Variants in ZBTB20 observed in about 807,000 individuals in gnomAD.
The protein encoded by ZBTB20 is zinc finger and BTB domain containing 20.
In ZBTB20, 9 loss-of-function variants were observed where a neutral mutation model predicts 56.9. The ratio of observed to expected loss-of-function variants is 0.16; its 90% CI spans 0.10 to 0.28. ZBTB20 has a LOEUF of 0.28. ZBTB20 is among the 10% of genes least tolerant of loss of function. The probability of loss-of-function intolerance (pLI) is 1.00; values close to 1 mark genes in which losing one functional copy is unlikely to be tolerated. For synonymous variants in ZBTB20, 417 were observed against 420.7 expected, an observed-to-expected ratio of 0.99 and a Z score of 0.11; for missense variants, 655 against 1,003.0, an observed-to-expected ratio of 0.65 and a Z score of 4.69.
chr3:114,523,741 G>T (rs1290010229), intron 6 of ZBTB20, among the ~76,000 whole-genome samples: 1 of 152,162 alleles, frequency 6.6e-6, no homozygotes, highest in Non-Finnish European at 1.5e-5. Flanking sequence ...TCTTTTGATG[G>T]TTTCTATTTT....
At chr3:114,576,886 ATATT>A (rs1214426978) in intron 6 of ZBTB20, among the ~76,000 whole-genome samples, 27 of 152,148 alleles carry the variant, frequency 1.8e-4, no homozygotes. Flanking sequence ...AGTACTAGAT[ATATT>A]TTTTATAAAA....
At chr3:114,580,701 T>C (rs528203069) in intron 6 of ZBTB20, among the ~76,000 whole-genome samples, 120 of 151,934 alleles carry the variant, frequency 7.9e-4, no homozygotes, top group South Asian at 6.2e-4. Flanking sequence ...CAGATATGAA[T>C]ATAATAATGT....
intron 3 of ZBTB20, among the ~76,000 whole-genome samples, chr3:114,968,464 G>T (rs971333635): frequency 1.3e-5 from 2 of 152,184 alleles, no homozygotes. Flanking sequence ...AGCTGATGGA[G>T]GAAATAGCCT....
At chr3:114,837,197 T>C (rs573857159) in intron 4 of ZBTB20, among the ~76,000 whole-genome samples, 29 of 152,334 alleles carry the variant, frequency 1.9e-4, no homozygotes, top group African/African-American at 6.5e-4. Context: ...CAATTCATTC[T>C]ACCCTGCTTT....
At chr3:115,108,467 G>C (rs2083786461) in intron 1 of ZBTB20, among the ~76,000 whole-genome samples, 1 of 152,170 alleles carries the variant, frequency 6.6e-6, no homozygotes, top group East Asian at 1.9e-4. Flanking sequence ...AAGAAGAGGA[G>C]TAGTGGGAAT....
intron 5 of ZBTB20, among the ~76,000 whole-genome samples, chr3:114,785,205 A>C (rs2070395364): frequency 6.6e-6 from 1 of 152,216 alleles, no homozygotes; most frequent in African/African-American, 2.4e-5. Flanking sequence ...CCTTTTCCAA[A>C]AAGGATAAAA....
chr3:115,090,806 T>C (rs1298705805), intron 1 of ZBTB20, among the ~76,000 whole-genome samples: 1 of 151,890 alleles, frequency 6.6e-6, no homozygotes, highest in Non-Finnish European at 1.5e-5. Context: ...TTTCTGCCAA[T>C]AAGAAAACTC....
rs190192333 is a variant in ZBTB20, at chr3:114,860,120, A to G, written c.-417+40184T>C. On this transcript the variant is annotated intron_variant, in intron 4 of 11. Coordinates refer to ENST00000675478, the MANE Select transcript of ZBTB20 (RefSeq NM_001348800.3). ...TCAGGAGATCAAGACCATCCTGGCC[A>G]ACAGGGTGAAACCCCATCTCTACTA... is the stretch of plus-strand genomic sequence containing the variant. Among the ~76,000 whole-genome samples the G allele has an allele frequency of 6.3e-3, 962 of 152,304 alleles. 6 individuals carry two copies. The highest frequency in any genetic ancestry group is 0.011 in the Non-Finnish European group (750 of 68,026).
intron 6 of ZBTB20, among the ~76,000 whole-genome samples, chr3:114,549,150 C>T (rs913586402): frequency 1.3e-5 from 2 of 152,198 alleles, no homozygotes; most frequent in Admixed American, 6.5e-5. Flanking sequence ...CCTTTTATGA[C>T]ATTTCACTAA....
chr3:114,783,468 C>T (rs1323249295), intron 5 of ZBTB20, among the ~76,000 whole-genome samples: 1 of 152,050 alleles, frequency 6.6e-6, no homozygotes, highest in Non-Finnish European at 1.5e-5. Context: ...AACATGGCAG[C>T]ATTTTTCCTA....
At chr3:114,898,892 T>C (rs907218193) in intron 4 of ZBTB20, among the ~76,000 whole-genome samples, 1 of 152,142 alleles carries the variant, frequency 6.6e-6, no homozygotes, top group African/African-American at 2.4e-5. Flanking sequence ...GTTTTCAATA[T>C]GAGAAATTTG....
At chr3:114,627,962 C>T (rs991176260) in intron 6 of ZBTB20, among the ~76,000 whole-genome samples, 1 of 152,114 alleles carries the variant, frequency 6.6e-6, no homozygotes, top group African/African-American at 2.4e-5. Flanking sequence ...ATGTTTTTGG[C>T]CTGACTGTCA....
intron 1 of ZBTB20, among the ~76,000 whole-genome samples, chr3:115,139,189 T>G (rs2084740318): frequency 6.6e-6 from 1 of 151,990 alleles, no homozygotes; most frequent in Admixed American, 6.6e-5. Flanking sequence ...TCTGGAGCTG[T>G]GGGTGGATGT....
chr3:114,660,839 A>G (rs1337681714), intron 6 of ZBTB20, among the ~76,000 whole-genome samples: 2 of 152,154 alleles, frequency 1.3e-5, no homozygotes, highest in Non-Finnish European at 2.9e-5. Context: ...AAGAAAATGA[A>G]TAAATGAAAA....
At chr3:114,488,184 C>A (rs1478579646) in intron 7 of ZBTB20, among the ~76,000 whole-genome samples, 2 of 152,190 alleles carry the variant, frequency 1.3e-5, no homozygotes, top group Middle Eastern at 3.2e-3. Flanking sequence ...CAACACTCCC[C>A]TGAAGGGCGG....
intron 6 of ZBTB20, among the ~76,000 whole-genome samples, chr3:114,616,397 T>C (rs2057945751): frequency 6.6e-6 from 1 of 152,220 alleles, no homozygotes; most frequent in African/African-American, 2.4e-5. Context: ...TCTGTTAGCA[T>C]TATCCTTTGG....
chr3:114,647,695 A>G (rs1578147498), intron 6 of ZBTB20, among the ~76,000 whole-genome samples: 1 of 152,208 alleles, frequency 6.6e-6, no homozygotes, highest in South Asian at 2.1e-4. Flanking sequence ...TATTACATAT[A>G]CAATGTGTAA....
At chr3:114,685,892 C>T (rs1578336131) in intron 6 of ZBTB20, among the ~76,000 whole-genome samples, 1 of 151,998 alleles carries the variant, frequency 6.6e-6, no homozygotes, top group Admixed American at 6.6e-5. Flanking sequence ...CTTCACCAAC[C>T]TGTTTTTTTA....
intron 4 of ZBTB20, among the ~76,000 whole-genome samples, chr3:114,816,963 T>TA (rs796762030): frequency 2.6e-5 from 4 of 151,456 alleles, no homozygotes; most frequent in Non-Finnish European, 5.9e-5. Flanking sequence ...TCCAAGACAA[T>TA]AAAAAAAATT....
Sources: allele counts gnomAD v4.1 joint callset (sites outside exome capture counted in the v4.1 genomes callset), GRCh38; gene constraint gnomAD v4.1.1; transcripts MANE v1.5; gene names NCBI Gene and HGNC (gene_info 2026-07-23, HGNC 2026-07-21).